The following MIS18A variants were observed in gnomAD, a reference collection of about 807,000 sequenced individuals.
The protein encoded by MIS18A is MIS18 kinetochore protein A.
In MIS18A, 14 loss-of-function variants were observed where a neutral mutation model predicts 25.0. That is an observed-to-expected ratio of 0.56 (90% CI 0.37 to 0.88). The LOEUF (loss-of-function observed/expected upper bound fraction) is 0.88. MIS18A is among the 40% of genes least tolerant of loss of function. The pLI, the probability that MIS18A is intolerant of heterozygous loss-of-function variation, is 0.00. For missense variants in MIS18A, 292 were observed against 290.8 expected (o/e 1.00, Z -0.03); for synonymous variants, 134 against 118.6 (o/e 1.13, Z -0.84).
the MIS18A span, among the ~76,000 whole-genome samples, chr21:32,195,820 G>A: frequency 6.6e-6 from 1 of 151,984 alleles, no homozygotes; most frequent in South Asian, 2.1e-4. Flanking sequence ...AGGAGTTCGA[G>A]ACCAGCCTGG....
chr21:32,161,543 G>A, the MIS18A span, among the ~76,000 whole-genome samples: 1 of 151,838 alleles, frequency 6.6e-6, no homozygotes, highest in Non-Finnish European at 1.5e-5. Context: ...CCAGGCTGGA[G>A]TGCAGTGGCG....
At chr21:32,176,870 C>G in the MIS18A span, among the ~76,000 whole-genome samples, 90,024 of 151,580 alleles carry the variant, frequency 0.59, 27,507 homozygotes, top group African/African-American at 0.74. Flanking sequence ...AATAGAAAAA[C>G]AGAGTATTCA....
chr21:32,163,427 T>C, the MIS18A span, among the ~76,000 whole-genome samples: 2 of 152,126 alleles, frequency 1.3e-5, no homozygotes, highest in East Asian at 3.9e-4. Context: ...ATCACAACAC[T>C]GGGAAACTAA....
chr21:32,185,378 C>T, the MIS18A span, among the ~76,000 whole-genome samples: 1 of 152,200 alleles, frequency 6.6e-6, no homozygotes, highest in Non-Finnish European at 1.5e-5. Flanking sequence ...CATTGGGCTC[C>T]TCCAGGCCAT....
At chr21:32,209,636 A>G in the MIS18A span, among the ~76,000 whole-genome samples, 6 of 152,170 alleles carry the variant, frequency 3.9e-5, no homozygotes, top group African/African-American at 1.4e-4. Flanking sequence ...CTCACCTTGA[A>G]TTGTAGTCCC....
the MIS18A span, among the ~76,000 whole-genome samples, chr21:32,173,415 T>C: frequency 3.3e-5 from 5 of 152,192 alleles, no homozygotes; most frequent in East Asian, 3.9e-4. Context: ...CATAGAGTTA[T>C]TGTATGACCC....
the MIS18A span, among the ~76,000 whole-genome samples, chr21:32,187,880 T>C: frequency 6.6e-6 from 1 of 152,052 alleles, no homozygotes; most frequent in Non-Finnish European, 1.5e-5. Context: ...CAACCCCCAG[T>C]GTGATAGTTT....
intron 2 of MIS18A, among the ~76,000 whole-genome samples, chr21:32,271,997 A>G (rs1412853446): frequency 6.6e-6 from 1 of 152,200 alleles, no homozygotes; most frequent in Non-Finnish European, 1.5e-5. Context: ...CGAGTTATCA[A>G]AATCAACCTA....
At chr21:32,270,955 C>T (rs550409606) in intron 2 of MIS18A, among the ~76,000 whole-genome samples, 1 of 152,314 alleles carries the variant, frequency 6.6e-6, no homozygotes, top group South Asian at 2.1e-4. Flanking sequence ...CTCGTATTCA[C>T]AAATGGGTGC....
At chr21:32,223,212 A>G in the MIS18A span, among the ~76,000 whole-genome samples, 1 of 152,150 alleles carries the variant, frequency 6.6e-6, no homozygotes. Context: ...TCATGATTAA[A>G]AGAACTAGAG....
the MIS18A span, among the ~76,000 whole-genome samples, chr21:32,181,529 A>T: frequency 6.6e-6 from 1 of 152,152 alleles, no homozygotes; most frequent in Non-Finnish European, 1.5e-5. Context: ...TCTACCACCC[A>T]CACTGCTTAC....
chr21:32,165,177 C>A, the MIS18A span, among the ~76,000 whole-genome samples: 2 of 151,760 alleles, frequency 1.3e-5, no homozygotes, highest in African/African-American at 4.8e-5. Flanking sequence ...CTACTAAAAA[C>A]AGAAAATTAG....
intron 2 of MIS18A, 77 bp downstream of exon 2, chr21:32,274,750 TTAC>T: frequency 9.3e-7 from 1 of 1,073,716 alleles, no homozygotes; most frequent in Non-Finnish European, 1.4e-6. Context: ...CCAAGTAATC[TTAC>T]TACTAGTAAT....
At chr21:32,276,448 G>T (rs944915531) in intron 1 of MIS18A, among the ~76,000 whole-genome samples, 9 of 103,586 alleles carry the variant, frequency 8.7e-5, no homozygotes, top group Middle Eastern at 9.6e-3. Context: ...GCAACACAGT[G>T]AGACTCTGTC....
At chr21:32,197,576 C>T in the MIS18A span, among the ~76,000 whole-genome samples, 260 of 152,306 alleles carry the variant, frequency 1.7e-3, no homozygotes, top group African/African-American at 5.6e-3. Flanking sequence ...TTTTGAGCAA[C>T]TATGCACTAA....
the MIS18A span, among the ~76,000 whole-genome samples, chr21:32,174,698 T>A: frequency 7.7e-3 from 1,165 of 152,176 alleles, 13 homozygotes; most frequent in African/African-American, 0.025. Flanking sequence ...CACACCATCC[T>A]CAGTAACTAA....
chr21:32,161,040 C>T, the MIS18A span, among the ~76,000 whole-genome samples: 1 of 152,174 alleles, frequency 6.6e-6, no homozygotes, highest in South Asian at 2.1e-4. Context: ...GGCAGGTTTG[C>T]CCTAAGCAGT....
chr21:32,168,042 G>T, the MIS18A span, among the ~76,000 whole-genome samples: 3 of 152,122 alleles, frequency 2.0e-5, no homozygotes, highest in African/African-American at 7.2e-5. Flanking sequence ...TGAAAGTGGA[G>T]CCCTCACAAA....
the MIS18A span, among the ~76,000 whole-genome samples, chr21:32,246,369 G>T: frequency 6.6e-6 from 1 of 152,042 alleles, no homozygotes; most frequent in Admixed American, 6.6e-5. Context: ...CCTTCGGTAC[G>T]CCCCTTCTTC....
Sources: gnomAD v4.1 joint callset for allele counts (sites outside exome capture counted in the v4.1 genomes callset) on GRCh38, gnomAD v4.1.1 for gene constraint, MANE v1.5 for transcripts, NCBI Gene and HGNC (gene_info 2026-07-23, HGNC 2026-07-21) for gene names.